KAT2B: variants seen among roughly 807,000 people sequenced by gnomAD.
KAT2B encodes lysine acetyltransferase 2B, also known as histone acetyltransferase KAT2B.
KAT2B carries 36 observed loss-of-function variants against 105.9 expected under a neutral mutation model. That is an observed-to-expected ratio of 0.34 (90% CI 0.26 to 0.45). The LOEUF (loss-of-function observed/expected upper bound fraction) is 0.45, where lower values mean the gene tolerates loss of function less well. KAT2B is among the 20% of genes least tolerant of loss of function. The pLI, the probability that KAT2B is intolerant of heterozygous loss-of-function variation, is 1.00. For missense variants in KAT2B, 820 were observed against 1,021.6 expected (o/e 0.80, Z 2.69); for synonymous variants, 397 against 377.9 (o/e 1.05, Z -0.59).
chr3:20,110,322 T>C (rs1699097174), intron 5 of KAT2B, among the ~76,000 whole-genome samples: 2 of 152,114 alleles, frequency 1.3e-5, no homozygotes, highest in Admixed American at 6.5e-5. Context: ...ACCACTGTTA[T>C]ATTTATGTTT....
At chr3:20,149,609 G>T (rs1480433887) in intron 17 of KAT2B, among the ~76,000 whole-genome samples, 2 of 151,076 alleles carry the variant, frequency 1.3e-5, no homozygotes, top group African/African-American at 4.9e-5. Context: ...GTTTTCTATA[G>T]CATTTAAATG....
At chr3:20,090,724 T>C (rs1698701998) in intron 2 of KAT2B, among the ~76,000 whole-genome samples, 1 of 152,132 alleles carries the variant, frequency 6.6e-6, no homozygotes, top group African/African-American at 2.4e-5. Context: ...TTTGGAAGTA[T>C]GCATCCCTCT....
At chr3:20,053,118 G>C (rs1219382132) in intron 1 of KAT2B, among the ~76,000 whole-genome samples, 1 of 152,226 alleles carries the variant, frequency 6.6e-6, no homozygotes, top group Non-Finnish European at 1.5e-5. Flanking sequence ...TGGCAGACTT[G>C]ATGACAAGCA....
rs546487680 is a variant in KAT2B, at chr3:20,075,351, T to G, written c.430+2892T>G. Reference sequence around the variant, plus strand: ...ACACTTCTGTGACCAGATGTGTGGGTTTTTTTTTTCTTCACTCACCAAGCA... The same window carrying G: ...ACACTTCTGTGACCAGATGTGTGGGGTTTTTTTTTCTTCACTCACCAAGCA... On this transcript the variant is annotated intron_variant, in intron 2 of 17. Transcript: ENST00000263754. Among the ~76,000 whole-genome samples the G allele has an allele frequency of 5.3e-4, 79 of 149,400 alleles. No homozygotes were observed. The Middle Eastern group carries it at 0.014, about 26-fold the overall frequency.
chr3:20,063,534 C>CT (rs36058009), intron 1 of KAT2B, among the ~76,000 whole-genome samples: 3,683 of 88,600 alleles, frequency 0.042, 803 homozygotes, highest in Non-Finnish European at 0.07. Flanking sequence ...GAGTAGGCCT[C>CT]TTTTTTTTTT....
intron 2 of KAT2B, among the ~76,000 whole-genome samples, chr3:20,076,987 T>A (rs1019717427): frequency 1.3e-5 from 2 of 152,212 alleles, no homozygotes; most frequent in Admixed American, 1.3e-4. Flanking sequence ...ATTGATTAAA[T>A]GTTGGGTTTC....
intron 9 of KAT2B, among the ~76,000 whole-genome samples, chr3:20,124,689 G>A (rs1280372418): frequency 6.6e-6 from 1 of 152,184 alleles, no homozygotes; most frequent in Admixed American, 6.5e-5. Flanking sequence ...ATATTTAGTA[G>A]TGTACTAGAG....
chr3:20,098,963 A>G (rs1020353024), intron 3 of KAT2B, among the ~76,000 whole-genome samples: 3 of 152,210 alleles, frequency 2.0e-5, no homozygotes, highest in African/African-American at 7.2e-5. Flanking sequence ...GTTTCTACTG[A>G]AAAGGCAGTA....
chr3:20,147,483 A>G (rs1699799711), intron 14 of KAT2B, among the ~76,000 whole-genome samples: 1 of 152,208 alleles, frequency 6.6e-6, no homozygotes, highest in African/African-American at 2.4e-5. Flanking sequence ...CTTTTAAGGA[A>G]AGAACAGGAA....
At chr3:20,075,835 C>A (rs1348292778) in intron 2 of KAT2B, among the ~76,000 whole-genome samples, 1 of 151,412 alleles carries the variant, frequency 6.6e-6, no homozygotes, top group African/African-American at 2.4e-5. Flanking sequence ...ATCGATTAAA[C>A]CTGGGAGCAG....
intron 15 of KAT2B, 41 bp from the exon 16 acceptor site, chr3:20,148,202 A>C: frequency 6.4e-7 from 1 of 1,558,820 alleles, no homozygotes. Flanking sequence ...AATAGGGTAA[A>C]ACTCTAATCA....
At chr3:20,139,231 A>T (rs6550362) in intron 12 of KAT2B, among the ~76,000 whole-genome samples, 39,576 of 151,052 alleles carry the variant, frequency 0.26, 7,953 homozygotes, top group East Asian at 0.62. Context: ...CTTTTTTTTT[A>T]AAAATGTGTT....
rs1419266751 is a variant in KAT2B, at chr3:20,126,166, G to A, written c.1622+53G>A. The A allele has an allele frequency of 1.5e-5, 21 of 1,436,648 alleles. No homozygotes were observed. In the East Asian group the frequency reaches 4.7e-4, roughly 32 times the overall value. The allele number at this position is 1,436,648 out of a possible 1,614,324, so 89.0% of individuals were successfully genotyped here. A position where few individuals can be genotyped will look rare whatever the true frequency, so the allele number is the denominator to read the frequency against. On this transcript the variant is annotated intron_variant, in intron 10 of 17. Transcript: ENST00000263754. ...CTTATTTCCTTTTTAAATGAAAGAG[G>A]AACTGCTTAGATAGTGAAAGTCAGC... is the stretch of plus-strand genomic sequence containing the variant.
At chr3:20,048,424 T>TTTTTG (rs1189671048) in intron 1 of KAT2B, among the ~76,000 whole-genome samples, 4 of 152,106 alleles carry the variant, frequency 2.6e-5, no homozygotes, top group Non-Finnish European at 5.9e-5. Context: ...CTGTTTAAGG[T>TTTTTG]TTTTGTTTTG....
intron 1 of KAT2B, among the ~76,000 whole-genome samples, 176 bp downstream of exon 1, chr3:20,040,956 T>C (rs921098765): frequency 1.3e-5 from 2 of 152,118 alleles, no homozygotes; most frequent in African/African-American, 4.8e-5. Context: ...TCTTCTTGGA[T>C]AAGAGTCCTG....
chr3:20,060,942 A>AAACAAC (rs146487562), intron 1 of KAT2B, among the ~76,000 whole-genome samples: 5 of 151,552 alleles, frequency 3.3e-5, no homozygotes, highest in East Asian at 1.9e-4. Flanking sequence ...CCCTGTCTCA[A>AAACAAC]AACAACAACA....
At chr3:20,136,857 T>A in intron 11 of KAT2B, 85 bp from the exon 12 acceptor site, 1 of 656,048 alleles carries the variant, frequency 1.5e-6, no homozygotes, top group Non-Finnish European at 2.7e-6. Context: ...TACAAACTTC[T>A]GAATTCACCA....
chr3:20,138,780 A>G (rs971301429), intron 12 of KAT2B, among the ~76,000 whole-genome samples: 2 of 152,188 alleles, frequency 1.3e-5, no homozygotes, highest in African/African-American at 4.8e-5. Context: ...GTATATAACT[A>G]TATTAACCTT....
At chr3:20,081,161 A>G (rs968942509) in intron 2 of KAT2B, among the ~76,000 whole-genome samples, 2 of 152,186 alleles carry the variant, frequency 1.3e-5, no homozygotes, top group African/African-American at 4.8e-5. Flanking sequence ...CAAAAAATGT[A>G]TTTGAGCAGC....
Sources: allele counts gnomAD v4.1 joint callset (sites outside exome capture counted in the v4.1 genomes callset), GRCh38; gene constraint gnomAD v4.1.1; transcripts MANE v1.5; gene names NCBI Gene and HGNC (gene_info 2026-07-23, HGNC 2026-07-21).